Variants in DPP6 observed in about 807,000 individuals in gnomAD.
DPP6 encodes the protein A-type potassium channel modulatory protein DPP6.
Under a neutral mutation model 122.6 loss-of-function variants are expected in DPP6, and 69 were observed. That is an observed-to-expected ratio of 0.56 (90% CI 0.46 to 0.69). DPP6 has a LOEUF of 0.69. Ranked by LOEUF, DPP6 falls within the 30% of genes least tolerant of loss-of-function variation. The probability of loss-of-function intolerance (pLI) is 0.00; values close to 1 mark genes in which losing one functional copy is unlikely to be tolerated. For missense variants in DPP6, 928 were observed against 1,116.9 expected (o/e 0.83, Z 2.41); for synonymous variants, 418 against 433.1 (o/e 0.97, Z 0.43).
chr7:154,179,228 A>C (rs1025667898), intron 1 of DPP6, among the ~76,000 whole-genome samples: 1 of 152,226 alleles, frequency 6.6e-6, no homozygotes, highest in African/African-American at 2.4e-5. Flanking sequence ...CATTGCATTC[A>C]AATTCTAGTT....
intron 5 of DPP6, among the ~76,000 whole-genome samples, chr7:154,580,173 A>G (rs1265216369): frequency 6.7e-6 from 1 of 148,298 alleles, no homozygotes. Flanking sequence ...ACACACACAC[A>G]CATGCACACA....
intron 5 of DPP6, among the ~76,000 whole-genome samples, chr7:154,623,019 G>A (rs938539860): frequency 2.6e-5 from 4 of 152,194 alleles, no homozygotes; most frequent in African/African-American, 7.2e-5. Flanking sequence ...TGGGGGTGAT[G>A]GAGAGAATGC....
chr7:154,498,557 C>T (rs1448891186), intron 3 of DPP6, among the ~76,000 whole-genome samples: 1 of 152,032 alleles, frequency 6.6e-6, no homozygotes, highest in Admixed American at 6.6e-5. Flanking sequence ...AGGCTGGTCT[C>T]GAACTCCTGA....
upstream of DPP6, among the ~76,000 whole-genome samples, chr7:154,051,926 C>T (rs1185314685): frequency 2.0e-5 from 3 of 151,886 alleles, no homozygotes; most frequent in African/African-American, 4.8e-5. Context: ...CATTCGCACC[C>T]CAGGTCCTCG....
chr7:154,846,002 G>A (rs1021110446), intron 16 of DPP6, among the ~76,000 whole-genome samples: 14 of 151,752 alleles, frequency 9.2e-5, no homozygotes, highest in African/African-American at 3.4e-4. Context: ...TGGCCATGTG[G>A]CCTGCAGGGC....
Position 154,389,887 on chromosome 7 carries a change from A to G in DPP6, c.244-56327A>G, listed in dbSNP as rs903503647. On this transcript the variant is annotated intron_variant, in intron 1 of 25. Coordinates refer to ENST00000377770, the MANE Select transcript of DPP6 (RefSeq NM_130797.4). The stretch of plus-strand genomic sequence containing the variant: ...TACAAAAGCCAGATTAATACAATTG[A>G]CCTAATTTCTAGTCAGTGACATTAT... 5.3e-5 allele frequency among the ~76,000 whole-genome samples: 8 copies of G among 152,194 alleles called. 1 individual carries two copies. The highest frequency in any genetic ancestry group is 1.9e-4 in the African/African-American group (8 of 41,442).
intron 7 of DPP6, among the ~76,000 whole-genome samples, chr7:154,724,285 G>C (rs184617144): frequency 1.6e-4 from 25 of 152,134 alleles, no homozygotes; most frequent in Non-Finnish European, 3.1e-4. Flanking sequence ...ATATCTTCCA[G>C]TGTACCCCAA....
At position 154,052,726 on chromosome 7, in the gene DPP6, T is replaced by C; in HGVS notation, c.-95T>C. On this transcript the variant is annotated 5_prime_UTR_variant, in exon 1 of 26. Transcript: ENST00000377770. The surrounding 1 kb of genome is among the most constrained non-coding windows in gnomAD (Gnocchi z 4.8). ...GCTGCTGCCTCCCCACCGCCTTTTTTTTTTTTTAATCTGGAGCGGGGTGGG... is the reference window on the plus strand; with the variant it reads ...GCTGCTGCCTCCCCACCGCCTTTTTCTTTTTTTAATCTGGAGCGGGGTGGG... 3 of 1,270,000 alleles carry C rather than the reference T, an allele frequency of 2.4e-6. No individual in the cohort carries two copies. The highest frequency in any genetic ancestry group is 3.0e-6 in the Non-Finnish European group (3 of 987,660). The allele number at this position is 1,270,000 out of a possible 1,614,324, so 78.7% of individuals were successfully genotyped here. A position where few individuals can be genotyped will look rare whatever the true frequency, so the allele number is the denominator to read the frequency against.
chr7:154,493,167 A>G (rs1479535944), intron 3 of DPP6, among the ~76,000 whole-genome samples: 1 of 152,140 alleles, frequency 6.6e-6, no homozygotes, highest in African/African-American at 2.4e-5. Context: ...TGCAAGAGCC[A>G]TGTTTGAGCT....
chr7:154,063,525 G>A lies in DPP6; in HGVS notation c.243+10462G>A, dbSNP rs1469457075. Among the ~76,000 whole-genome samples the A allele has an allele frequency of 5.5e-4, 68 of 123,524 alleles. 8 individuals carry two copies. Among genetic ancestry groups the A allele is most frequent in the Non-Finnish European group, 8.8e-4 (50 of 56,550 alleles). The allele number at this position is 123,524 out of a possible 152,430, so 81.0% of individuals were successfully genotyped here. On this transcript the variant is annotated intron_variant, in intron 1 of 25. Coordinates refer to ENST00000377770, the MANE Select transcript of DPP6 (RefSeq NM_130797.4). ...TCTTAAGACCCCCATCGCAGGAGGGGGAGGCACCCCCCGCGAGGGTGGGGA... is the reference window on the plus strand; with the variant it reads ...TCTTAAGACCCCCATCGCAGGAGGGAGAGGCACCCCCCGCGAGGGTGGGGA...
intron 7 of DPP6, among the ~76,000 whole-genome samples, chr7:154,701,496 T>C (rs935707404): frequency 6.6e-6 from 1 of 152,226 alleles, no homozygotes; most frequent in African/African-American, 2.4e-5. Flanking sequence ...TTGGAGAGTG[T>C]CATGAGCTTT....
intron 1 of DPP6, among the ~76,000 whole-genome samples, chr7:154,275,006 G>T (rs1317785738): frequency 6.6e-6 from 1 of 152,212 alleles, no homozygotes; most frequent in Non-Finnish European, 1.5e-5. Flanking sequence ...CATGCCTCTG[G>T]ACCCTCAGCT....
chr7:154,396,813 C>T (rs1394650582), intron 1 of DPP6, among the ~76,000 whole-genome samples: 1 of 152,134 alleles, frequency 6.6e-6, no homozygotes, highest in Non-Finnish European at 1.5e-5. Context: ...GGTGTGGTGG[C>T]ATGCACCTAT....
At chr7:153,922,788 C>G (rs1800700384) in intron 1 of DPP6, among the ~76,000 whole-genome samples, 1 of 152,186 alleles carries the variant, frequency 6.6e-6, no homozygotes, top group Non-Finnish European at 1.5e-5. Flanking sequence ...AGAAAGGGTT[C>G]TATCCTGAAT....
chr7:153,877,693 A>G, the DPP6 span, among the ~76,000 whole-genome samples: 1 of 152,228 alleles, frequency 6.6e-6, no homozygotes, highest in Non-Finnish European at 1.5e-5. Flanking sequence ...ATTGATAAAA[A>G]GTGCATGACA....
At chr7:154,615,007 G>A (rs1390049111) in intron 5 of DPP6, among the ~76,000 whole-genome samples, 3 of 152,210 alleles carry the variant, frequency 2.0e-5, no homozygotes, top group South Asian at 2.1e-4. Context: ...GTTGGGCGCT[G>A]TGGTCAGCTG....
intron 1 of DPP6, among the ~76,000 whole-genome samples, chr7:154,399,339 A>G (rs1038363405): frequency 3.9e-5 from 6 of 152,246 alleles, no homozygotes; most frequent in Admixed American, 1.3e-4. Context: ...CCCAGAATCC[A>G]GACATCTAGA....
the DPP6 span, among the ~76,000 whole-genome samples, chr7:153,764,147 C>T: frequency 3.9e-5 from 6 of 152,134 alleles, no homozygotes; most frequent in Non-Finnish European, 7.4e-5. Flanking sequence ...AATTAAAATG[C>T]CCGGCCTAGT....
chr7:154,585,520 C>A (rs1353187414), intron 5 of DPP6, among the ~76,000 whole-genome samples: 1 of 152,196 alleles, frequency 6.6e-6, no homozygotes, highest in Non-Finnish European at 1.5e-5. Flanking sequence ...TCCCTCAGCA[C>A]CCCTGGGGAG....
Sources: allele counts gnomAD v4.1 joint callset (sites outside exome capture counted in the v4.1 genomes callset), GRCh38; gene constraint gnomAD v4.1.1; non-coding constraint Gnocchi (gnomAD v3.1); transcripts MANE v1.5; gene names NCBI Gene and HGNC (gene_info 2026-07-23, HGNC 2026-07-21).